Variants in VPS35L observed in about 807,000 individuals in gnomAD.
VPS35L encodes VPS35 endosomal protein-sorting factor-like.
In VPS35L, 83 loss-of-function variants were observed where a neutral mutation model predicts 133.0. The observed-to-expected ratio is 0.62, with a 90% CI of 0.52 to 0.75. The LOEUF is 0.75. Among genes scored for constraint, VPS35L ranks in the 30% least tolerant of loss-of-function variants. The pLI, the probability that VPS35L is intolerant of heterozygous loss-of-function variation, is 0.00. For missense variants in VPS35L, 1,083 were observed against 1,206.8 expected (o/e 0.90, Z 1.52); for synonymous variants, 423 against 449.9 (o/e 0.94, Z 0.76).
In VPS35L at chr16:19,650,241, A is replaced by G. The variant is rs189780847; in HGVS notation, c.2029-141A>G. 5.5e-5 allele frequency: 38 copies of G among 686,696 alleles called. 1 individual carries two copies. The East Asian group carries it at 9.1e-4, about 16-fold the overall frequency. 42.5% of individuals were successfully genotyped at this position (686,696 alleles called of 1,614,324 possible). Reference sequence around the variant, plus strand: ...GCCTGATGACCCCTTTGGCATTTCAAGGTTTAGTGCTAACCAGTCTTGGTC... The same window carrying G: ...GCCTGATGACCCCTTTGGCATTTCAGGGTTTAGTGCTAACCAGTCTTGGTC... On this transcript the variant is annotated intron_variant, in intron 24 of 30. Coordinates refer to ENST00000417362, the MANE Select transcript of VPS35L (RefSeq NM_020314.7).
chr16:19,691,651 CGCCTCCCCCAGG>C (rs935061345), intron 29 of VPS35L, among the ~76,000 whole-genome samples, 180 bp downstream of exon 29: 17 of 152,270 alleles, frequency 1.1e-4, no homozygotes, highest in African/African-American at 3.8e-4. Flanking sequence ...GCCTGGACTG[CGCCTCCCCCAGG>C]GCTTCCCCTG....
At chr16:19,687,196 C>T (rs1449945530) in intron 28 of VPS35L, among the ~76,000 whole-genome samples, 1 of 152,182 alleles carries the variant, frequency 6.6e-6, no homozygotes, top group Non-Finnish European at 1.5e-5. Context: ...CTGCTCTAAA[C>T]ACACCTCTGG....
At chr16:19,606,814 G>A (rs1972550754) in intron 9 of VPS35L, among the ~76,000 whole-genome samples, 1 of 152,034 alleles carries the variant, frequency 6.6e-6, no homozygotes, top group Non-Finnish European at 1.5e-5. Context: ...GTCTTACTCT[G>A]TCTCGCTCTG....
In VPS35L at chr16:19,651,745, G is replaced by A. The variant is rs567397468; in HGVS notation, c.2107-231G>A. On this transcript the variant is annotated intron_variant, in intron 25 of 30. Transcript: ENST00000417362. ...GTTAGGTGTTACGTATTTACTTCCC[G>A]TGATGGTGGGTGAGGATTTGTTTTT... Among the ~76,000 whole-genome samples the A allele has an allele frequency of 3.9e-5, 6 of 152,158 alleles. No individual in the cohort carries two copies. In the South Asian group the frequency reaches 1.0e-3, roughly 26 times the overall value.
At chr16:19,679,148 TGGGGAGGCGGGGGGGC>T (rs1975169368) in intron 27 of VPS35L, among the ~76,000 whole-genome samples, 1 of 3,162 alleles carries the variant, frequency 3.2e-4, no homozygotes, top group Non-Finnish European at 7.1e-4. Context: ...GGGGCGGGGG[TGGGGAGGCGGGGGGGC>T]GGGGAGGTTC....
intron 28 of VPS35L, among the ~76,000 whole-genome samples, 194 bp downstream of exon 28, chr16:19,682,584 G>A (rs1229227087): frequency 1.3e-5 from 2 of 152,168 alleles, no homozygotes; most frequent in Non-Finnish European, 2.9e-5. Flanking sequence ...TTCTTGGGCC[G>A]GGTGCAGTGG....
rs191219689 is a variant in VPS35L, at chr16:19,562,513, T to C, written c.18-2338T>C. 1.4e-4 allele frequency among the ~76,000 whole-genome samples: 22 copies of C among 152,234 alleles called. No individual in the cohort carries two copies. The East Asian group carries it at 4.1e-3, about 28-fold the overall frequency. ...TGGAGGAGATGAGAAAGGGGTCAAA[T>C]GGGTTAACTTGTCTATGACTTTGTG... is the stretch of plus-strand genomic sequence containing the variant. On this transcript the variant is annotated intron_variant, in intron 1 of 30. Transcript: ENST00000417362.
intron 14 of VPS35L, among the ~76,000 whole-genome samples, chr16:19,621,067 T>C (rs962952398): frequency 2.0e-5 from 3 of 152,158 alleles, no homozygotes; most frequent in Admixed American, 6.5e-5. Context: ...ATGGATTAAA[T>C]AGCCATGGAT....
At chr16:19,693,574 A>T (rs1975781835) in intron 29 of VPS35L, among the ~76,000 whole-genome samples, 2 of 152,184 alleles carry the variant, frequency 1.3e-5, no homozygotes, top group South Asian at 4.2e-4. Context: ...TGAGGCCAGG[A>T]GTTCGAGACC....
At chr16:19,624,586 T>C (rs12325175) in intron 14 of VPS35L, among the ~76,000 whole-genome samples, 46,706 of 151,710 alleles carry the variant, frequency 0.31, 7,293 homozygotes, top group Middle Eastern at 0.39. Context: ...CTCGTCTCTC[T>C]GTCTCAAAAA....
rs571697557 is a variant in VPS35L, at chr16:19,620,972, A to C, written c.1224+4164A>C. On this transcript the variant is annotated intron_variant, in intron 14 of 30. Transcript: ENST00000417362. Reference sequence around the variant, plus strand: ...TCTCAAAAAAGAATAAATTAAAAAAAATAAATAATTAAAAATTAAACAGAA... The same window carrying C: ...TCTCAAAAAAGAATAAATTAAAAAACATAAATAATTAAAAATTAAACAGAA... Among the ~76,000 whole-genome samples, 9 of 152,302 alleles carry C rather than the reference A, an allele frequency of 5.9e-5. No individual in the cohort carries two copies. The South Asian group carries it at 1.7e-3, about 28-fold the overall frequency.
chr16:19,637,013 T>C (rs775195725), intron 19 of VPS35L, among the ~76,000 whole-genome samples: 1 of 152,228 alleles, frequency 6.6e-6, no homozygotes, highest in Non-Finnish European at 1.5e-5. Context: ...AGAATAGGGA[T>C]TGGCCAACTA....
intron 3 of VPS35L, among the ~76,000 whole-genome samples, chr16:19,570,881 A>ATTTT (rs1567388851): frequency 3.1e-5 from 2 of 64,308 alleles, no homozygotes; most frequent in African/African-American, 1.6e-4. Context: ...ATATATATAT[A>ATTTT]TATATATATT....
intron 14 of VPS35L, among the ~76,000 whole-genome samples, chr16:19,624,797 A>G (rs1973209395): frequency 1.3e-5 from 2 of 152,196 alleles, no homozygotes; most frequent in East Asian, 3.9e-4. Context: ...ACCCTGTCTG[A>G]GCTTTGGCTT....
chr16:19,669,287 A>G lies in VPS35L; in HGVS notation c.2349A>G (p.Leu783=). Residue 783 remains leucine, a synonymous_variant, in exon 27 of 31, where the codon TTA becomes TTG. Coordinates refer to ENST00000417362, the MANE Select transcript of VPS35L (RefSeq NM_020314.7). ...LEFLCNFFST[L]LIVPDHPEHG... ...TCCTCTGCAATTTCTTTTCTACTTT[A>G]TTAATAGTTCCGGTACGTTTCCTCA... is the stretch of plus-strand genomic sequence containing the variant. The G allele has an allele frequency of 6.2e-7, 1 of 1,610,898 alleles. No homozygotes were observed. The highest frequency in any genetic ancestry group is 1.7e-4 in the Middle Eastern group (1 of 6,052).
rs971363750 is a variant in VPS35L at position 19,557,746 on chromosome 16, G to T, written c.17+2000G>T. ...TTTCAGTTTCCCTAATAGACTTCTT[G>T]CTCCTTAAAAGTTAAAAGGACTGGC... On this transcript the variant is annotated intron_variant, in intron 1 of 30. Transcript: ENST00000417362. 2.0e-5 allele frequency among the ~76,000 whole-genome samples: 3 copies of T among 151,736 alleles called. No individual in the cohort carries two copies. In the East Asian group the frequency reaches 5.8e-4, roughly 29 times the overall value.
At chr16:19,566,911 A>G (rs226878) in intron 2 of VPS35L, among the ~76,000 whole-genome samples, 84,222 of 151,916 alleles carry the variant, frequency 0.55, 26,556 homozygotes, top group African/African-American at 0.86. Flanking sequence ...CACCATGCCC[A>G]GCTAATTTTT....
rs142290807 is a variant in VPS35L, at chr16:19,648,898, T to G, written c.2028+1016T>G. Among the ~76,000 whole-genome samples the G allele has an allele frequency of 5.0e-4, 73 of 144,614 alleles. 1 individual carries two copies. The highest frequency in any genetic ancestry group is 1.8e-3 in the African/African-American group (68 of 38,786). 94.9% of individuals were successfully genotyped at this position (144,614 alleles called of 152,430 possible). ...TCAAAAAAAAAAAAAAAAAAAAAAG[T>G]TAGGTTCAGACAACTTAAGTATTTA... On this transcript the variant is annotated intron_variant, in intron 24 of 30. Coordinates refer to ENST00000417362, the MANE Select transcript of VPS35L (RefSeq NM_020314.7).
intron 15 of VPS35L, among the ~76,000 whole-genome samples, chr16:19,626,686 C>T (rs574230805): frequency 4.6e-5 from 7 of 151,964 alleles, no homozygotes; most frequent in African/African-American, 7.3e-5. Context: ...TGCTTGAACC[C>T]GGGAGGCAGA....
Sources: gnomAD v4.1 joint callset for allele counts (sites outside exome capture counted in the v4.1 genomes callset) on GRCh38, gnomAD v4.1.1 for gene constraint, MANE v1.5 for transcripts, NCBI Gene and HGNC (gene_info 2026-07-23, HGNC 2026-07-21) for gene names.